HDAC9: variants seen among roughly 807,000 people sequenced by gnomAD.
The protein encoded by HDAC9 is MEF-2 interacting transcription repressor (MITR) protein.
A neutral mutation model predicts 139.4 loss-of-function variants in HDAC9; 41 were observed. That is an observed-to-expected ratio of 0.29 (90% CI 0.23 to 0.38). The LOEUF is 0.38. Ranked by LOEUF, HDAC9 falls within the 10% of genes least tolerant of loss-of-function variation. The probability of loss-of-function intolerance (pLI) is 1.00; values close to 1 mark genes in which losing one functional copy is unlikely to be tolerated. For synonymous variants in HDAC9, 517 were observed against 476.2 expected, an observed-to-expected ratio of 1.09 and a Z score of -1.12; for missense variants, 1,147 against 1,297.0, an observed-to-expected ratio of 0.88 and a Z score of 1.78.
At chr7:18,616,268 G>A (rs1030120286) in intron 6 of HDAC9, among the ~76,000 whole-genome samples, 13 of 139,316 alleles carry the variant, frequency 9.3e-5, no homozygotes, top group African/African-American at 2.7e-4. Context: ...GGACATCTTT[G>A]GAGTGGGGCA....
chr7:18,573,868 C>G (rs999736971), intron 2 of HDAC9, among the ~76,000 whole-genome samples: 12 of 152,190 alleles, frequency 7.9e-5, no homozygotes, highest in African/African-American at 2.7e-4. Flanking sequence ...TCAGGGAGCC[C>G]CTGGGCCTGG....
intron 6 of HDAC9, among the ~76,000 whole-genome samples, chr7:18,627,355 A>G (rs1280894185): frequency 6.6e-6 from 1 of 152,204 alleles, no homozygotes; most frequent in African/African-American, 2.4e-5. Context: ...ATGATTTCCT[A>G]TGGTTATTAG....
intron 16 of HDAC9, among the ~76,000 whole-genome samples, chr7:18,790,772 A>T (rs1410154175): frequency 6.6e-6 from 1 of 152,218 alleles, no homozygotes; most frequent in Non-Finnish European, 1.5e-5. Context: ...TGGATGATAA[A>T]TCCCATAGTT....
intron 12 of HDAC9, among the ~76,000 whole-genome samples, chr7:18,695,680 G>A (rs1025979874): frequency 3.3e-5 from 5 of 152,098 alleles, no homozygotes; most frequent in African/African-American, 1.2e-4. Flanking sequence ...GAGAATGAAC[G>A]GGTGGTTTAT....
intron 17 of HDAC9, among the ~76,000 whole-genome samples, chr7:18,808,621 A>G (rs529920448): frequency 6.6e-6 from 1 of 152,274 alleles, no homozygotes; most frequent in East Asian, 1.9e-4. Flanking sequence ...ACTGAAAACT[A>G]TAAAACATTG....
intron 1 of HDAC9, among the ~76,000 whole-genome samples, chr7:18,303,125 A>T (rs1276774605): frequency 6.6e-6 from 1 of 152,208 alleles, no homozygotes; most frequent in Admixed American, 6.5e-5. Flanking sequence ...ATAAAGATTA[A>T]GTGTATAGTA....
intron 1 of HDAC9, among the ~76,000 whole-genome samples, chr7:18,316,859 C>T (rs1248932516): frequency 5.3e-5 from 8 of 150,840 alleles, no homozygotes; most frequent in Non-Finnish European, 8.9e-5. Flanking sequence ...TTTGGGAGGC[C>T]GAGGCAGGCA....
At chr7:18,257,400 C>CT (rs1491315106) in intron 2 of HDAC9, among the ~76,000 whole-genome samples, 9 of 126,352 alleles carry the variant, frequency 7.1e-5, no homozygotes, top group African/African-American at 2.5e-4. Context: ...CTCTGTCTCT[C>CT]CCACACACAC....
intron 11 of HDAC9, among the ~76,000 whole-genome samples, chr7:18,662,300 G>A (rs1294498723): frequency 1.3e-5 from 2 of 152,034 alleles, no homozygotes; most frequent in Non-Finnish European, 2.9e-5. Flanking sequence ...AGAGATTTTG[G>A]TTAAATGGTG....
intron 2 of HDAC9, among the ~76,000 whole-genome samples, chr7:18,225,028 A>C (rs1345536874): frequency 6.6e-6 from 1 of 152,172 alleles, no homozygotes; most frequent in African/African-American, 2.4e-5. Flanking sequence ...GGCTTAAAAA[A>C]AAACCCTCAC....
At chr7:18,913,694 C>T (rs1004781310) in intron 22 of HDAC9, among the ~76,000 whole-genome samples, 4 of 151,688 alleles carry the variant, frequency 2.6e-5, no homozygotes, top group Admixed American at 2.0e-4. Context: ...TCATTCTAGG[C>T]AGAAGAGAAG....
intron 1 of HDAC9, among the ~76,000 whole-genome samples, chr7:18,490,015 C>A (rs902835597): frequency 6.6e-6 from 1 of 151,968 alleles, no homozygotes; most frequent in South Asian, 2.1e-4. Flanking sequence ...TTTCATACTC[C>A]GAATATTGAT....
chr7:18,346,830 G>A (rs1399713383), intron 1 of HDAC9, among the ~76,000 whole-genome samples: 1 of 152,060 alleles, frequency 6.6e-6, no homozygotes, highest in Non-Finnish European at 1.5e-5. Context: ...CCCATTGTTT[G>A]GTTGGGAGCC....
At chr7:18,988,160 G>A (rs1785533548) in intron 25 of HDAC9, among the ~76,000 whole-genome samples, 1 of 152,074 alleles carries the variant, frequency 6.6e-6, no homozygotes, top group Admixed American at 6.5e-5. Context: ...ATGTTAGGGT[G>A]TCAATTTTGG....
chr7:18,735,212 T>C (rs1180168614), intron 13 of HDAC9, among the ~76,000 whole-genome samples: 1 of 152,262 alleles, frequency 6.6e-6, no homozygotes, highest in Non-Finnish European at 1.5e-5. Context: ...TGGTAGTTCC[T>C]TTGCCAGGCA....
Position 18,871,701 on chromosome 7 carries a change from C to A in HDAC9, c.2685-2777C>A, listed in dbSNP as rs115964969. On this transcript the variant is annotated intron_variant, in intron 21 of 25. Transcript: ENST00000686413. ...TACATTGTTTTTCCTACTTCGTACC[C>A]TCAAATGCATTATTCAATCTTTCAG... Among the ~76,000 whole-genome samples, 129 of 152,150 alleles carry A rather than the reference C, an allele frequency of 8.5e-4. 1 individual carries two copies. Among genetic ancestry groups the A allele is most frequent in the African/African-American group, 3.1e-3 (129 of 41,540 alleles).
chr7:18,455,755 A>G (rs1161856065), intron 1 of HDAC9, among the ~76,000 whole-genome samples: 2 of 152,162 alleles, frequency 1.3e-5, no homozygotes, highest in Non-Finnish European at 2.9e-5. Context: ...GTGAATCTCC[A>G]CCATAAATTA....
chr7:18,858,728 C>A (rs1215638501), intron 21 of HDAC9, among the ~76,000 whole-genome samples: 1 of 152,136 alleles, frequency 6.6e-6, no homozygotes, highest in Non-Finnish European at 1.5e-5. Context: ...TCTATCATGT[C>A]ACCATGGAAA....
intron 2 of HDAC9, among the ~76,000 whole-genome samples, chr7:18,570,425 C>T (rs1412078154): frequency 6.6e-6 from 1 of 152,040 alleles, no homozygotes; most frequent in Non-Finnish European, 1.5e-5. Flanking sequence ...CAATTATGAA[C>T]AAATGTTTTT....
Sources: gnomAD v4.1 joint callset for allele counts (sites outside exome capture counted in the v4.1 genomes callset) on GRCh38, gnomAD v4.1.1 for gene constraint, MANE v1.5 for transcripts, NCBI Gene and HGNC (gene_info 2026-07-23, HGNC 2026-07-21) for gene names.